Variants in LGR5 observed in about 807,000 individuals in gnomAD.
LGR5 encodes the protein leucine-rich repeat-containing G protein-coupled receptor 5.
In LGR5, 54 loss-of-function variants were observed where a neutral mutation model predicts 76.7. The ratio of observed to expected loss-of-function variants is 0.70; its 90% CI spans 0.57 to 0.88. LGR5 has a LOEUF of 0.88. Ranked by LOEUF, LGR5 falls within the 40% of genes least tolerant of loss-of-function variation. LGR5 has a pLI of 0.00. For synonymous variants in LGR5, 406 were observed against 421.9 expected, an observed-to-expected ratio of 0.96 and a Z score of 0.46; for missense variants, 1,078 against 1,073.3, an observed-to-expected ratio of 1.00 and a Z score of -0.06.
At chr12:71,443,506 G>T (rs988112185) in intron 1 of LGR5, among the ~76,000 whole-genome samples, 1 of 152,138 alleles carries the variant, frequency 6.6e-6, no homozygotes, top group Admixed American at 6.5e-5. Context: ...AGTTTACTTA[G>T]CAGAAAATAA....
At chr12:71,573,929 A>G (rs1479518411) in intron 13 of LGR5, among the ~76,000 whole-genome samples, 2 of 146,514 alleles carry the variant, frequency 1.4e-5, no homozygotes, top group African/African-American at 5.0e-5. Flanking sequence ...AAAAAAGTGT[A>G]AAAGGAAAAT....
At chr12:71,560,210 T>C (rs1364648807) in intron 7 of LGR5, among the ~76,000 whole-genome samples, 1 of 152,238 alleles carries the variant, frequency 6.6e-6, no homozygotes, top group Non-Finnish European at 1.5e-5. Flanking sequence ...AATAGTCTAA[T>C]GTTGGCCAGA....
At chr12:71,541,804 C>T (rs1324486145) in intron 4 of LGR5, among the ~76,000 whole-genome samples, 12 of 152,282 alleles carry the variant, frequency 7.9e-5, no homozygotes, top group Admixed American at 6.5e-4. Context: ...TGATTTGTAA[C>T]GGAGTCAGGC....
At chr12:71,511,204 C>G (rs1875139388) in intron 2 of LGR5, among the ~76,000 whole-genome samples, 1 of 152,194 alleles carries the variant, frequency 6.6e-6, no homozygotes, top group South Asian at 2.1e-4. Flanking sequence ...AGATGACCCC[C>G]AAATCTATGT....
chr12:71,550,318 T>C (rs1168719819), intron 4 of LGR5, among the ~76,000 whole-genome samples: 1 of 148,826 alleles, frequency 6.7e-6, no homozygotes, highest in Non-Finnish European at 1.5e-5. Flanking sequence ...ACCCACCTAA[T>C]TTTTGTATTT....
In LGR5 at chr12:71,544,218, C is replaced by T. The variant is rs192358593; in HGVS notation, c.429-8855C>T. On this transcript the variant is annotated intron_variant, in intron 4 of 17. Transcript: ENST00000266674. Reference sequence around the variant, plus strand: ...TACTGCACTTCAATGAACCTGTAGACTTTATCTCTCCCCAACCTGGAGAGG... The same window carrying T: ...TACTGCACTTCAATGAACCTGTAGATTTTATCTCTCCCCAACCTGGAGAGG... 4.0e-5 allele frequency among the ~76,000 whole-genome samples: 6 copies of T among 149,068 alleles called. No homozygotes were observed. The East Asian group carries it at 1.2e-3, about 29-fold the overall frequency.
intron 1 of LGR5, among the ~76,000 whole-genome samples, chr12:71,446,303 G>A (rs1871987949): frequency 6.6e-6 from 1 of 152,180 alleles, no homozygotes; most frequent in African/African-American, 2.4e-5. Flanking sequence ...ATGATGCAAT[G>A]AGTTGTTTAT....
At chr12:71,470,950 G>A (rs542130984) in intron 1 of LGR5, among the ~76,000 whole-genome samples, 23 of 152,064 alleles carry the variant, frequency 1.5e-4, no homozygotes, top group Non-Finnish European at 2.9e-4. Context: ...ATGAGCTCCC[G>A]CAGCATCTTG....
intron 4 of LGR5, among the ~76,000 whole-genome samples, chr12:71,542,459 A>G (rs1467503197): frequency 2.0e-5 from 3 of 152,162 alleles, no homozygotes; most frequent in Non-Finnish European, 4.4e-5. Context: ...TGTAAAAGCA[A>G]TGGGAATCTG....
At chr12:71,488,126 G>A (rs1167878046) in intron 1 of LGR5, among the ~76,000 whole-genome samples, 1 of 152,192 alleles carries the variant, frequency 6.6e-6, no homozygotes, top group Non-Finnish European at 1.5e-5. Flanking sequence ...TGGTTAGTGA[G>A]CTATACTTTG....
At chr12:71,514,871 A>G (rs962911446) in intron 2 of LGR5, among the ~76,000 whole-genome samples, 4 of 152,358 alleles carry the variant, frequency 2.6e-5, no homozygotes, top group Admixed American at 1.3e-4. Context: ...GGGTAGATAC[A>G]GTTTTTGAAA....
chr12:71,562,549 T>C (rs1024840458), intron 8 of LGR5, among the ~76,000 whole-genome samples: 2 of 152,188 alleles, frequency 1.3e-5, no homozygotes, highest in Non-Finnish European at 2.9e-5. Context: ...AAGTCTATCA[T>C]GGGCAACAGA....
intron 1 of LGR5, among the ~76,000 whole-genome samples, chr12:71,474,494 G>A (rs1299963837): frequency 6.6e-6 from 1 of 152,184 alleles, no homozygotes. Context: ...TTCAGTTTAG[G>A]TGGGAGACCC....
chr12:71,523,422 A>T (rs1006961013), intron 2 of LGR5, among the ~76,000 whole-genome samples: 1 of 152,090 alleles, frequency 6.6e-6, no homozygotes, highest in African/African-American at 2.4e-5. Flanking sequence ...AGGGTGACGC[A>T]GGAGGATTGC....
upstream of LGR5, among the ~76,000 whole-genome samples, chr12:71,439,419 C>G (rs1871632007): frequency 6.6e-6 from 1 of 152,120 alleles, no homozygotes; most frequent in South Asian, 2.1e-4. Flanking sequence ...GAAGCGGGCT[C>G]GGAGGAAACG....
intron 5 of LGR5, among the ~76,000 whole-genome samples, chr12:71,555,167 G>A (rs1877694446): frequency 6.6e-6 from 1 of 151,496 alleles, no homozygotes; most frequent in South Asian, 2.1e-4. Context: ...TTATTTATTA[G>A]AAAAAAAATC....
rs962491092 is a variant in LGR5 at position 71,452,568 on chromosome 12, T to C, written c.212+12276T>C. Among the ~76,000 whole-genome samples, 58 of 152,186 alleles carry C rather than the reference T, an allele frequency of 3.8e-4. 1 individual carries two copies. Among genetic ancestry groups the C allele is most frequent in the Admixed American group, 3.7e-3 (56 of 15,274 alleles). On this transcript the variant is annotated intron_variant, in intron 1 of 17. Coordinates refer to ENST00000266674, the MANE Select transcript of LGR5 (RefSeq NM_003667.4). ...GACAGAGAGATTCTTTCCTCTAAAT[T>C]TGGCAGACTGATTGTTTGGAATATC...
chr12:71,585,419 A>G lies in LGR5; in HGVS notation c.*685A>G, dbSNP rs1879280119. Reference sequence around the variant, plus strand: ...TGCTTACAAGTATTTTGAAAGAAAAACTGACCAAAATTCTTAAATTGTTAC... The same window carrying G: ...TGCTTACAAGTATTTTGAAAGAAAAGCTGACCAAAATTCTTAAATTGTTAC... On this transcript the variant is annotated 3_prime_UTR_variant, in exon 18 of 18. Coordinates refer to ENST00000266674, the MANE Select transcript of LGR5 (RefSeq NM_003667.4). The G allele has an allele frequency of 6.6e-6, 1 of 152,228 alleles. No individual in the cohort carries two copies. The highest frequency in any genetic ancestry group is 1.5e-5 in the Non-Finnish European group (1 of 68,046). The allele number at this position is 152,228 out of a possible 1,614,324, so 9.4% of individuals were successfully genotyped here.
At chr12:71,579,619 CA>C (rs1462506386) in intron 15 of LGR5, among the ~76,000 whole-genome samples, 1 of 152,166 alleles carries the variant, frequency 6.6e-6, no homozygotes, top group Admixed American at 6.5e-5. Context: ...TTCATCCCCT[CA>C]AGCATTTATC....
Sources: gnomAD v4.1 joint callset for allele counts (sites outside exome capture counted in the v4.1 genomes callset) on GRCh38, gnomAD v4.1.1 for gene constraint, MANE v1.5 for transcripts, NCBI Gene and HGNC (gene_info 2026-07-23, HGNC 2026-07-21) for gene names.